Variants in CCSER1 observed in about 807,000 individuals in gnomAD.
CCSER1 encodes the protein serine-rich coiled-coil domain-containing protein 1.
Under a neutral mutation model 82.0 loss-of-function variants are expected in CCSER1, and 41 were observed. The observed-to-expected ratio is 0.50, with a 90% CI of 0.39 to 0.65. The LOEUF (loss-of-function observed/expected upper bound fraction) is 0.65, where lower values mean the gene tolerates loss of function less well. Among genes scored for constraint, CCSER1 ranks in the 30% least tolerant of loss-of-function variants. The probability of loss-of-function intolerance (pLI) is 0.00; values close to 1 mark genes in which losing one functional copy is unlikely to be tolerated. For synonymous variants in CCSER1, 414 were observed against 383.9 expected (o/e 1.08, Z -0.92); for missense variants, 1,119 against 1,064.2 (o/e 1.05, Z -0.72).
chr4:90,552,788 C>T (rs571596110), intron 5 of CCSER1, among the ~76,000 whole-genome samples: 1 of 152,132 alleles, frequency 6.6e-6, no homozygotes, highest in East Asian at 1.9e-4. Context: ...TTTTTGCGTA[C>T]TAGTCTTGTA....
At chr4:90,976,058 G>A (rs936098507) in intron 9 of CCSER1, among the ~76,000 whole-genome samples, 4 of 150,932 alleles carry the variant, frequency 2.7e-5, no homozygotes, top group African/African-American at 7.3e-5. Context: ...AAAAGTCAGA[G>A]GTTTATCTCC....
At chr4:90,202,497 C>A (rs28566626) in intron 1 of CCSER1, among the ~76,000 whole-genome samples, 2,376 of 152,272 alleles carry the variant, frequency 0.016, 32 homozygotes, top group African/African-American at 0.04. Context: ...GCCACTGTGA[C>A]CCGCCGTAAA....
chr4:91,165,358 T>G (rs1731924757), intron 10 of CCSER1, among the ~76,000 whole-genome samples: 1 of 152,152 alleles, frequency 6.6e-6, no homozygotes, highest in Admixed American at 6.5e-5. Context: ...CTGTATCAGG[T>G]GTCAGTTGGC....
At chr4:91,303,768 C>G (rs1334887600) in intron 10 of CCSER1, among the ~76,000 whole-genome samples, 1 of 151,934 alleles carries the variant, frequency 6.6e-6, no homozygotes, top group Non-Finnish European at 1.5e-5. Context: ...GCGCTCCAAC[C>G]TGGACAATGG....
intron 1 of CCSER1, among the ~76,000 whole-genome samples, chr4:90,275,797 G>A (rs1727428854): frequency 6.6e-6 from 1 of 152,090 alleles, no homozygotes; most frequent in Admixed American, 6.6e-5. Flanking sequence ...AGTAACATCA[G>A]GAAATTGATT....
chr4:91,387,889 G>T (rs1751400008), intron 10 of CCSER1, among the ~76,000 whole-genome samples: 1 of 151,920 alleles, frequency 6.6e-6, no homozygotes, highest in Non-Finnish European at 1.5e-5. Context: ...TCTACATTTT[G>T]CCTATTGTTT....
At chr4:90,556,613 G>T (rs1195612029) in intron 5 of CCSER1, among the ~76,000 whole-genome samples, 1 of 151,826 alleles carries the variant, frequency 6.6e-6, no homozygotes, top group Non-Finnish European at 1.5e-5. Flanking sequence ...ACTGTATACT[G>T]TATTTTCACA....
chr4:90,670,123 G>C (rs1424590275), intron 6 of CCSER1, among the ~76,000 whole-genome samples: 3 of 152,240 alleles, frequency 2.0e-5, no homozygotes, highest in Middle Eastern at 6.8e-3. Flanking sequence ...TGCAAAAGCA[G>C]CTAGTAGAGT....
chr4:90,410,532 T>A (rs1290297294), intron 4 of CCSER1, among the ~76,000 whole-genome samples: 1 of 152,072 alleles, frequency 6.6e-6, no homozygotes, highest in African/African-American at 2.4e-5. Context: ...GAATGACTAC[T>A]GGGTACATAA....
chr4:90,901,569 G>A (rs75432835), intron 8 of CCSER1, among the ~76,000 whole-genome samples: 3,117 of 152,006 alleles, frequency 0.021, 113 homozygotes, highest in African/African-American at 0.07. Context: ...ATAAATTCTT[G>A]GCTGGCATGT....
intron 10 of CCSER1, among the ~76,000 whole-genome samples, chr4:91,212,018 T>G (rs1267611234): frequency 6.6e-6 from 1 of 152,132 alleles, no homozygotes; most frequent in Non-Finnish European, 1.5e-5. Flanking sequence ...TTTGACATAG[T>G]TTGCTTGCAT....
intron 10 of CCSER1, among the ~76,000 whole-genome samples, chr4:91,278,416 T>A (rs1277507963): frequency 6.6e-6 from 1 of 152,154 alleles, no homozygotes; most frequent in Admixed American, 6.5e-5. Context: ...GAATTGATCC[T>A]TTAATCATTA....
In CCSER1 at chr4:90,231,981, A is replaced by C. The variant is rs570877216; in HGVS notation, c.-41-76263A>C. On this transcript the variant is annotated intron_variant, in intron 1 of 10. Transcript: ENST00000509176. ...CTCAAGGAAATAAAAGAGGATACAA[A>C]CAAATGGAAGAACATTCCATGCTCA... Among the ~76,000 whole-genome samples, 936 of 151,990 alleles carry C rather than the reference A, an allele frequency of 6.2e-3. 11 individuals carry two copies. Among genetic ancestry groups the C allele is most frequent in the African/African-American group, 0.022 (903 of 41,394 alleles).
intron 5 of CCSER1, among the ~76,000 whole-genome samples, chr4:90,623,371 C>T (rs1722713439): frequency 6.6e-6 from 1 of 151,890 alleles, no homozygotes; most frequent in Non-Finnish European, 1.5e-5. Flanking sequence ...GATAGAACAT[C>T]ATATGCAAAG....
At chr4:90,992,409 A>T (rs1737114708) in intron 9 of CCSER1, among the ~76,000 whole-genome samples, 2 of 152,100 alleles carry the variant, frequency 1.3e-5, no homozygotes, top group Non-Finnish European at 2.9e-5. Flanking sequence ...TTCTTGTCAC[A>T]TCTAGAAAGC....
chr4:91,468,434 A>G (rs1757062028), intron 10 of CCSER1, among the ~76,000 whole-genome samples: 1 of 152,052 alleles, frequency 6.6e-6, no homozygotes, highest in South Asian at 2.1e-4. Flanking sequence ...GCACACCAAC[A>G]TGGCACATGT....
chr4:91,418,856 G>A (rs1489994773), intron 10 of CCSER1, among the ~76,000 whole-genome samples: 1 of 151,894 alleles, frequency 6.6e-6, no homozygotes, highest in Non-Finnish European at 1.5e-5. Context: ...GAAAATGCTA[G>A]CAAACCAAAC....
intron 10 of CCSER1, among the ~76,000 whole-genome samples, chr4:91,212,985 G>C (rs1008442876): frequency 6.6e-6 from 1 of 152,108 alleles, no homozygotes; most frequent in Non-Finnish European, 1.5e-5. Flanking sequence ...GTGAGAACAC[G>C]TGGTAGTTTG....
At chr4:90,963,512 GA>G (rs1734243058) in intron 9 of CCSER1, among the ~76,000 whole-genome samples, 1 of 152,022 alleles carries the variant, frequency 6.6e-6, no homozygotes, top group Non-Finnish European at 1.5e-5. Flanking sequence ...GGGCCTTAGG[GA>G]AGTATTTAAC....
Sources: allele counts gnomAD v4.1 joint callset (sites outside exome capture counted in the v4.1 genomes callset), GRCh38; gene constraint gnomAD v4.1.1; transcripts MANE v1.5; gene names NCBI Gene and HGNC (gene_info 2026-07-23, HGNC 2026-07-21).